KMT2E: variants seen among roughly 807,000 people sequenced by gnomAD.
KMT2E encodes histone reader KMT2E.
KMT2E carries 30 observed loss-of-function variants against 184.6 expected under a neutral mutation model. The ratio of observed to expected loss-of-function variants is 0.16; its 90% CI spans 0.12 to 0.22. The LOEUF (loss-of-function observed/expected upper bound fraction) is 0.22. Ranked by LOEUF, KMT2E falls within the 10% of genes least tolerant of loss-of-function variation. The pLI is 1.00. For synonymous variants in KMT2E, 815 were observed against 776.5 expected, an observed-to-expected ratio of 1.05 and a Z score of -0.82; for missense variants, 2,023 against 2,237.4, an observed-to-expected ratio of 0.90 and a Z score of 1.93.
intron 3 of KMT2E, among the ~76,000 whole-genome samples, chr7:105,049,142 A>G (rs1003220846): frequency 2.0e-4 from 30 of 152,240 alleles, no homozygotes; most frequent in African/African-American, 7.0e-4. Flanking sequence ...AGAAGTTAAG[A>G]TTTTAAGTGA....
At chr7:105,082,771 G>A (rs963800095) in intron 13 of KMT2E, among the ~76,000 whole-genome samples, 8 of 152,128 alleles carry the variant, frequency 5.3e-5, no homozygotes, top group Admixed American at 2.6e-4. Context: ...CCAGTCTTCC[G>A]TCATTTGCTT....
At chr7:105,054,220 G>T (rs977640720) in intron 3 of KMT2E, among the ~76,000 whole-genome samples, 3 of 151,506 alleles carry the variant, frequency 2.0e-5, no homozygotes, top group African/African-American at 7.3e-5. Context: ...AGGCTGCAGA[G>T]AATTAAGAAT....
At chr7:105,025,192 C>T (rs996139877) in intron 1 of KMT2E, among the ~76,000 whole-genome samples, 2 of 152,144 alleles carry the variant, frequency 1.3e-5, no homozygotes, top group Admixed American at 6.5e-5. Context: ...GATTCCAGAA[C>T]CATACCACTT....
intron 3 of KMT2E, among the ~76,000 whole-genome samples, chr7:105,048,899 C>G (rs924649922): frequency 3.9e-5 from 6 of 152,124 alleles, no homozygotes; most frequent in Non-Finnish European, 1.5e-5. Flanking sequence ...TATACTGTTT[C>G]CAACGAAGAG....
intron 15 of KMT2E, among the ~76,000 whole-genome samples, chr7:105,093,319 T>C (rs1798283508): frequency 6.6e-6 from 1 of 152,212 alleles, no homozygotes; most frequent in African/African-American, 2.4e-5. Context: ...ACTTTAAATA[T>C]ATATTCTTCT....
chr7:105,056,951 G>A (rs917002593), intron 3 of KMT2E, among the ~76,000 whole-genome samples: 1 of 152,130 alleles, frequency 6.6e-6, no homozygotes, highest in African/African-American at 2.4e-5. Context: ...AAAATGCCTC[G>A]TTATAAAAGA....
At position 105,106,054 on chromosome 7, in the gene KMT2E, A is replaced by G. The variant is rs1158579825; in HGVS notation, c.2596+51A>G. On this transcript the variant is annotated intron_variant, in intron 19 of 26. Transcript: ENST00000311117. Reference sequence around the variant, plus strand: ...GTTTGAGAAATGTGGCAGGGCATACATACAGCTTTATAACAGGCATATTTC... The same window carrying G: ...GTTTGAGAAATGTGGCAGGGCATACGTACAGCTTTATAACAGGCATATTTC... 8 of 1,511,184 alleles carry G rather than the reference A, an allele frequency of 5.3e-6. No individual in the cohort carries two copies. The East Asian group carries it at 1.6e-4, about 30-fold the overall frequency. The allele number at this position is 1,511,184 out of a possible 1,614,324, so 93.6% of individuals were successfully genotyped here. A position where few individuals can be genotyped will look rare whatever the true frequency, so the allele number is the denominator to read the frequency against.
At chr7:105,087,060 T>C (rs950153664) in intron 13 of KMT2E, among the ~76,000 whole-genome samples, 3 of 147,208 alleles carry the variant, frequency 2.0e-5, no homozygotes, top group Non-Finnish European at 3.0e-5. Context: ...ATATAGCATA[T>C]ATAATATATA....
intron 3 of KMT2E, among the ~76,000 whole-genome samples, chr7:105,054,753 G>C (rs571767731): frequency 6.6e-6 from 1 of 152,318 alleles, no homozygotes; most frequent in South Asian, 2.1e-4. Flanking sequence ...GACCTCAGGT[G>C]ATCCACCTGC....
chr7:105,103,432 G>C (rs1012868851), intron 17 of KMT2E: 61 of 152,144 alleles, frequency 4.0e-4, no homozygotes, highest in African/African-American at 1.5e-3. Context: ...GCCAGATACT[G>C]TTCTAAGAGC....
chr7:105,103,284 T>C (rs1584798867), intron 17 of KMT2E: 2 of 152,252 alleles, frequency 1.3e-5, no homozygotes, highest in East Asian at 3.8e-4. Context: ...TTCTACATCC[T>C]ATCTGATTCT....
intron 3 of KMT2E, among the ~76,000 whole-genome samples, chr7:105,047,299 A>G (rs1796146769): frequency 6.6e-6 from 1 of 152,240 alleles, no homozygotes; most frequent in Non-Finnish European, 1.5e-5. Context: ...TAGGCAGAGT[A>G]AGCTGCCCTT....
chr7:105,057,196 C>T (rs549835638), intron 3 of KMT2E, among the ~76,000 whole-genome samples: 1 of 152,178 alleles, frequency 6.6e-6, no homozygotes, highest in African/African-American at 2.4e-5. Context: ...TAGAAATGCC[C>T]AGGACATCTT....
intron 15 of KMT2E, among the ~76,000 whole-genome samples, chr7:105,095,072 G>T (rs1207918552): frequency 6.6e-6 from 1 of 151,984 alleles, no homozygotes; most frequent in South Asian, 2.1e-4. Flanking sequence ...GTGCACCAGG[G>T]TATTTATGTA....
At chr7:105,107,249 A>C (rs746479875) in intron 21 of KMT2E, 27 bp downstream of exon 21, 2 of 1,527,816 alleles carry the variant, frequency 1.3e-6, no homozygotes, top group African/African-American at 2.8e-5. Flanking sequence ...AAAAGGGTGA[A>C]TTGGTAGTTT....
chr7:105,107,076 T>TACA lies in KMT2E; in HGVS notation c.2848-89_2848-88insCAA. ...ACAAGATCTAAAACTAAAGTCTGTA[T>TACA]ATTTTTCATTTTGTTTTCATTTCTA... On this transcript the variant is annotated intron_variant, in intron 20 of 26. Coordinates refer to ENST00000311117, the MANE Select transcript of KMT2E (RefSeq NM_182931.3). 3 of 768,120 alleles carry TACA rather than the reference T, an allele frequency of 3.9e-6. No individual in the cohort carries two copies. In the South Asian group the frequency reaches 6.2e-5, roughly 16 times the overall value. The allele number at this position is 768,120 out of a possible 1,614,324, so 47.6% of individuals were successfully genotyped here. A position where few individuals can be genotyped will look rare whatever the true frequency, so the allele number is the denominator to read the frequency against.
intron 1 of KMT2E, among the ~76,000 whole-genome samples, chr7:105,037,737 T>C (rs1194110857): frequency 6.6e-6 from 1 of 152,154 alleles, no homozygotes; most frequent in Non-Finnish European, 1.5e-5. Flanking sequence ...GTTTTCTACT[T>C]TAATTGCTTT....
In KMT2E at chr7:105,023,402, C is replaced by CAA. The variant is rs1158885663; in HGVS notation, c.-189+8886_-189+8887dup. ...GGGTGACAAGAGTGAGACTCTGTCT[C>CAA]AAAAAAAAAAAAAAAAAAAAGAGAG... On this transcript the variant is annotated intron_variant, in intron 1 of 26. Transcript: ENST00000311117. Among the ~76,000 whole-genome samples the CAA allele has an allele frequency of 2.6e-3, 145 of 55,494 alleles. 4 individuals carry two copies. The highest frequency in any genetic ancestry group is 7.9e-3 in the African/African-American group (112 of 14,172). 36.4% of individuals were successfully genotyped at this position (55,494 alleles called of 152,430 possible).
Position 105,090,206 on chromosome 7 carries a change from A to C in KMT2E, c.1556A>C (p.Lys519Thr). Reference sequence around the variant, plus strand: ...TTGGATTGTGAAGGAACGACCAACAAAATGAAGAGCCCAGAAACTAAACAA... The same window carrying C: ...TTGGATTGTGAAGGAACGACCAACACAATGAAGAGCCCAGAAACTAAACAA... ...ITLDCEGTTNKMKSPETKQRK... is the reference protein window; with the variant it reads ...ITLDCEGTTNTMKSPETKQRK... Residue 519 changes from lysine to threonine, a missense_variant, in exon 14 of 27, where the codon AAA becomes ACA. By Grantham distance (78) the Lys-to-Thr change is moderately conservative (BLOSUM62 -1). Transcript: ENST00000311117. 1 of 1,609,938 alleles carries C rather than the reference A, an allele frequency of 6.2e-7. No homozygotes were observed. The highest frequency in any genetic ancestry group is 8.5e-7 in the Non-Finnish European group (1 of 1,179,168).
Sources: allele counts gnomAD v4.1 joint callset (sites outside exome capture counted in the v4.1 genomes callset), GRCh38; gene constraint gnomAD v4.1.1; transcripts MANE v1.5; gene names NCBI Gene and HGNC (gene_info 2026-07-23, HGNC 2026-07-21).